The following GPC5 variants were observed in gnomAD, a reference collection of about 807,000 sequenced individuals.
The protein encoded by GPC5 is glypican 5, also known as glypican-5.
GPC5 carries 47 observed loss-of-function variants against 53.9 expected under a neutral mutation model. The observed-to-expected ratio is 0.87, with a 90% CI of 0.69 to 1.11. The LOEUF is 1.11. Among genes scored for constraint, GPC5 ranks in the 50% most tolerant of loss-of-function variants. The pLI is 0.00. For synonymous variants in GPC5, 286 were observed against 263.3 expected (o/e 1.09, Z -0.84); for missense variants, 748 against 713.1 (o/e 1.05, Z -0.56).
At chr13:91,530,099 C>A (rs1018086328) in intron 2 of GPC5, among the ~76,000 whole-genome samples, 3 of 152,196 alleles carry the variant, frequency 2.0e-5, no homozygotes, top group African/African-American at 4.8e-5. Context: ...TTGGGAATTG[C>A]TGTACAGTTG....
intron 7 of GPC5, among the ~76,000 whole-genome samples, chr13:92,212,127 T>C (rs2042379797): frequency 6.7e-6 from 1 of 149,958 alleles, no homozygotes; most frequent in Non-Finnish European, 1.5e-5. Flanking sequence ...CAATTTTAGA[T>C]GAGATGGCCA....
At chr13:91,874,634 G>T (rs1214957516) in intron 5 of GPC5, among the ~76,000 whole-genome samples, 1 of 152,152 alleles carries the variant, frequency 6.6e-6, no homozygotes, top group Non-Finnish European at 1.5e-5. Flanking sequence ...TGATAATGGT[G>T]TGTATCTTAA....
At chr13:92,492,664 C>T (rs928284385) in intron 7 of GPC5, among the ~76,000 whole-genome samples, 2 of 152,032 alleles carry the variant, frequency 1.3e-5, no homozygotes, top group Non-Finnish European at 1.5e-5. Context: ...AAAAGTAAAA[C>T]TAGAACAATC....
At chr13:91,979,324 A>G (rs947948856) in intron 6 of GPC5, among the ~76,000 whole-genome samples, 1 of 152,228 alleles carries the variant, frequency 6.6e-6, no homozygotes, top group Admixed American at 6.5e-5. Context: ...AAGAACTAGA[A>G]TAAAACTTTA....
chr13:92,630,551 T>C (rs1413936562), intron 7 of GPC5, among the ~76,000 whole-genome samples: 2 of 152,118 alleles, frequency 1.3e-5, no homozygotes, highest in Non-Finnish European at 2.9e-5. Context: ...GATAATCAAA[T>C]GTCTTGTAAT....
At chr13:92,311,258 C>A (rs1388059490) in intron 7 of GPC5, among the ~76,000 whole-genome samples, 1 of 152,086 alleles carries the variant, frequency 6.6e-6, no homozygotes, top group African/African-American at 2.4e-5. Context: ...TTTCAAGCAG[C>A]TAGCATGTGC....
chr13:92,424,053 GA>G (rs1876710946), intron 7 of GPC5, among the ~76,000 whole-genome samples: 1 of 152,036 alleles, frequency 6.6e-6, no homozygotes, highest in Non-Finnish European at 1.5e-5. Context: ...TGAAACCTGA[GA>G]AATTAAAATG....
intron 5 of GPC5, among the ~76,000 whole-genome samples, chr13:91,905,307 A>G (rs1464320143): frequency 6.6e-6 from 1 of 151,718 alleles, no homozygotes; most frequent in Non-Finnish European, 1.5e-5. Context: ...ATCTCTCTCT[A>G]TATATTTATT....
intron 2 of GPC5, among the ~76,000 whole-genome samples, chr13:91,471,212 T>C (rs1389463814): frequency 6.6e-6 from 1 of 152,176 alleles, no homozygotes; most frequent in East Asian, 1.9e-4. Flanking sequence ...GGGCAGGACC[T>C]GCTTTTACAT....
chr13:91,769,656 T>C (rs2037586455), intron 5 of GPC5, among the ~76,000 whole-genome samples: 1 of 152,192 alleles, frequency 6.6e-6, no homozygotes, highest in Admixed American at 6.5e-5. Context: ...GAGGATTGTC[T>C]GGAATGAGAC....
chr13:92,214,539 T>C (rs961243869), intron 7 of GPC5, among the ~76,000 whole-genome samples: 6 of 152,174 alleles, frequency 3.9e-5, no homozygotes, highest in African/African-American at 1.4e-4. Flanking sequence ...CTTTAGTCCA[T>C]GATGTCAACT....
At chr13:92,164,772 AG>A (rs1165037710) in intron 7 of GPC5, among the ~76,000 whole-genome samples, 1 of 152,162 alleles carries the variant, frequency 6.6e-6, no homozygotes, top group Non-Finnish European at 1.5e-5. Flanking sequence ...GTCCTAGCAG[AG>A]GCTCTCCATG....
chr13:91,894,513 G>T (rs1310209865), intron 5 of GPC5, among the ~76,000 whole-genome samples: 1 of 152,164 alleles, frequency 6.6e-6, no homozygotes, highest in African/African-American at 2.4e-5. Context: ...GTCCCAGAAA[G>T]CTTGGCATGC....
At chr13:91,569,224 A>G (rs1379105947) in intron 2 of GPC5, among the ~76,000 whole-genome samples, 1 of 152,202 alleles carries the variant, frequency 6.6e-6, no homozygotes, top group African/African-American at 2.4e-5. Context: ...ACTTGAAATT[A>G]GTGAGGAAAG....
chr13:92,232,837 A>C (rs987146081), intron 7 of GPC5, among the ~76,000 whole-genome samples: 1 of 152,214 alleles, frequency 6.6e-6, no homozygotes, highest in Non-Finnish European at 1.5e-5. Flanking sequence ...TGTTAAAACT[A>C]TAATTGTAGC....
At chr13:91,430,191 AAG>A (rs1156233123) in intron 1 of GPC5, among the ~76,000 whole-genome samples, 1 of 152,174 alleles carries the variant, frequency 6.6e-6, no homozygotes, top group African/African-American at 2.4e-5. Context: ...ATAAGGAAAA[AAG>A]AGGATGGTGG....
At chr13:92,114,561 C>T (rs1247067571) in intron 6 of GPC5, among the ~76,000 whole-genome samples, 1 of 152,100 alleles carries the variant, frequency 6.6e-6, no homozygotes, top group Non-Finnish European at 1.5e-5. Context: ...AGGGGAAAAC[C>T]CTACAATGCT....
chr13:92,217,119 G>A (rs77836757), intron 7 of GPC5, among the ~76,000 whole-genome samples: 5 of 152,160 alleles, frequency 3.3e-5, no homozygotes, highest in African/African-American at 1.2e-4. Context: ...GTGATGGCTT[G>A]TGCCTCAGGG....
At chr13:91,692,725 C>G (rs2139804968) in intron 2 of GPC5, among the ~76,000 whole-genome samples, 1 of 152,260 alleles carries the variant, frequency 6.6e-6, no homozygotes, top group East Asian at 1.9e-4. Context: ...CTCATTGCAA[C>G]CTCCGCCTCC....
Sources: gnomAD v4.1 joint callset for allele counts (sites outside exome capture counted in the v4.1 genomes callset) on GRCh38, gnomAD v4.1.1 for gene constraint, MANE v1.5 for transcripts, NCBI Gene and HGNC (gene_info 2026-07-23, HGNC 2026-07-21) for gene names.